ZFP41: variants seen among roughly 807,000 people sequenced by gnomAD.
ZFP41 encodes zinc finger protein 41 homolog.
A neutral mutation model predicts 11.6 loss-of-function variants in ZFP41; 10 were observed. The observed-to-expected ratio is 0.86, with a 90% CI of 0.53 to 1.47. The LOEUF (loss-of-function observed/expected upper bound fraction) is 1.47, where lower values mean the gene tolerates loss of function less well. ZFP41 is among the 40% of genes most tolerant of loss of function. The pLI is 0.00. For synonymous variants in ZFP41, 123 were observed against 100.9 expected (o/e 1.22, Z -1.31); for missense variants, 302 against 264.6 (o/e 1.14, Z -0.98).
chr8:143,248,396 C>T (rs541953732), intron 1 of ZFP41: 241 of 152,454 alleles, frequency 1.6e-3, no homozygotes, highest in African/African-American at 5.5e-3. Flanking sequence ...CAGTGCTGTA[C>T]AGCATGGAGG....
chr8:143,255,863 C>T (rs550015235), intron 2 of ZFP41, among the ~76,000 whole-genome samples: 256 of 119,918 alleles, frequency 2.1e-3, no homozygotes, highest in Non-Finnish European at 3.2e-3. Context: ...GATCAGGGCT[C>T]GCCCCGCGTG....
chr8:143,247,910 C>T (rs1003869674), intron 1 of ZFP41, among the ~76,000 whole-genome samples: 6 of 152,056 alleles, frequency 3.9e-5, no homozygotes, highest in East Asian at 1.9e-4. Flanking sequence ...ACTTCTATCT[C>T]CTGGGTTCAG....
At chr8:143,252,757 GTGGTC>G in intron 2 of ZFP41, 2 of 473,540 alleles carry the variant, frequency 4.2e-6, no homozygotes, top group Non-Finnish European at 5.5e-6. Context: ...CCCCGGGGCT[GTGGTC>G]AGCCCACTGC....
chr8:143,255,465 G>A (rs896140194), intron 2 of ZFP41, among the ~76,000 whole-genome samples: 8 of 150,310 alleles, frequency 5.3e-5, no homozygotes, highest in East Asian at 2.0e-4. Context: ...CTCACCCCGC[G>A]TCTAGTGTTA....
At position 143,261,675 on chromosome 8, in the gene ZFP41, G is replaced by C. The variant is rs1048437797; in HGVS notation, c.*2801G>C. 2.5e-5 allele frequency: 4 copies of C among 159,552 alleles called. No homozygotes were observed. Among genetic ancestry groups the C allele is most frequent in the East Asian group, 1.9e-4 (1 of 5,222 alleles). The allele number at this position is 159,552 out of a possible 1,614,324, so 9.9% of individuals were successfully genotyped here. On this transcript the variant is annotated 3_prime_UTR_variant, in exon 3 of 3. Transcript: ENST00000330701. ...AGACCGGGCCTAACGCTGCTGTCTC[G>C]CAGTCACCCCTGCAGGCCGCTCAGG...
rs754975290 is a variant in ZFP41, at chr8:143,250,362, C to T, written c.519C>T (p.Cys173=). ...ACACCGGGGAGAAGCCCTACGAATG[C>T]ACGCACTGTGGGAAAGCCTTTGCCT... is the stretch of plus-strand genomic sequence containing the variant. ...KTHTGEKPYE[C]THCGKAFAYS... is the part of the protein sequence containing the mutation. Residue 173 remains cysteine (C), a synonymous_variant, in exon 2 of 3, where the codon TGC becomes TGT. Coordinates refer to ENST00000330701, the MANE Select transcript of ZFP41 (RefSeq NM_173832.6). The T allele has an allele frequency of 3.1e-6, 5 of 1,613,892 alleles. No individual in the cohort carries two copies. Among genetic ancestry groups the T allele is most frequent in the Non-Finnish European group, 4.2e-6 (5 of 1,180,046 alleles).
chr8:143,253,879 C>T (rs1394703315), intron 2 of ZFP41, among the ~76,000 whole-genome samples: 1 of 152,132 alleles, frequency 6.6e-6, no homozygotes, highest in Non-Finnish European at 1.5e-5. Flanking sequence ...CAGTTTTTTC[C>T]GTGGACAGGG....
Position 143,260,904 on chromosome 8 carries a change from G to A in ZFP41, c.*2030G>A, listed in dbSNP as rs1815023000. ...TGTTGTGACTTTGCTCTGCTGCAGG[G>A]ACCTGCCATGGAGTGTCCCTTGTGC... On this transcript the variant is annotated 3_prime_UTR_variant, in exon 3 of 3. Transcript: ENST00000330701. 1.3e-5 allele frequency: 2 copies of A among 159,440 alleles called. No individual in the cohort carries two copies. Among genetic ancestry groups the A allele is most frequent in the South Asian group, 3.2e-4 (2 of 6,348 alleles). 9.9% of individuals were successfully genotyped at this position (159,440 alleles called of 1,614,324 possible).
intron 2 of ZFP41, among the ~76,000 whole-genome samples, chr8:143,254,598 C>G (rs939631517): frequency 9.6e-5 from 14 of 146,464 alleles, no homozygotes; most frequent in African/African-American, 3.0e-4. Context: ...ATGATCGTTG[C>G]TTTTCCCCGT....
chr8:143,255,336 C>T (rs977070408), intron 2 of ZFP41, among the ~76,000 whole-genome samples: 3 of 152,248 alleles, frequency 2.0e-5, no homozygotes, highest in African/African-American at 2.4e-5. Context: ...AACCGTAATA[C>T]GTGACGTCGT....
rs1213339203 is a variant in ZFP41, at chr8:143,247,087, C to G, written c.-210C>G. On this transcript the variant is annotated 5_prime_UTR_variant, in exon 1 of 3. Transcript: ENST00000330701. ...GCCCTCCAGCAGTCCTGGTAGGGCC[C>G]GGGCGCGTCCGCGCTCTGCAGCGGG... is the stretch of plus-strand genomic sequence containing the variant. The G allele has an allele frequency of 6.6e-6, 1 of 152,416 alleles. No homozygotes were observed. The highest frequency in any genetic ancestry group is 1.5e-5 in the Non-Finnish European group (1 of 68,196). The allele number at this position is 152,416 out of a possible 1,614,324, so 9.4% of individuals were successfully genotyped here. A position where few individuals can be genotyped will look rare whatever the true frequency, so the allele number is the denominator to read the frequency against.
intron 1 of ZFP41, chr8:143,248,239 T>C (rs1379609719): frequency 6.6e-6 from 1 of 152,204 alleles, no homozygotes; most frequent in Non-Finnish European, 1.5e-5. Flanking sequence ...AGAGCCGTTA[T>C]GGAGAATGTT....
At chr8:143,255,187 G>A (rs1475197279) in intron 2 of ZFP41, among the ~76,000 whole-genome samples, 2 of 152,126 alleles carry the variant, frequency 1.3e-5, no homozygotes, top group Non-Finnish European at 2.9e-5. Context: ...CGCACGTAGT[G>A]GGTCAAGAGC....
intron 2 of ZFP41, among the ~76,000 whole-genome samples, chr8:143,258,691 C>T (rs138123009): frequency 5.9e-5 from 9 of 152,118 alleles, no homozygotes; most frequent in African/African-American, 1.9e-4. Flanking sequence ...GCCTGAACAA[C>T]GCAGCGAGAC....
Position 143,250,569 on chromosome 8 carries a change from C to G in ZFP41, c.*129C>G. 1 of 1,460,622 alleles carries G rather than the reference C, an allele frequency of 6.8e-7. No homozygotes were observed. The highest frequency in any genetic ancestry group is 9.1e-7 in the Non-Finnish European group (1 of 1,094,664). 90.5% of individuals were successfully genotyped at this position (1,460,622 alleles called of 1,614,324 possible). On this transcript the variant is annotated 3_prime_UTR_variant, in exon 2 of 3. Transcript: ENST00000330701. The stretch of plus-strand genomic sequence containing the variant: ...GCACTGTGTTCCGTGCCCTGGGGAC[C>G]CCCGGAAAAGCAGCCCAGTCAGATG...
chr8:143,258,606 A>G (rs959380306), intron 2 of ZFP41, among the ~76,000 whole-genome samples: 1 of 152,248 alleles, frequency 6.6e-6, no homozygotes, highest in African/African-American at 2.4e-5. Context: ...GAATATGTGC[A>G]GCATTCATAG....
chr8:143,248,696 T>G (rs996192071), intron 1 of ZFP41, among the ~76,000 whole-genome samples: 6 of 148,058 alleles, frequency 4.1e-5, no homozygotes, highest in Non-Finnish European at 7.5e-5. Flanking sequence ...GCCCACCCCC[T>G]GCCCACCCCA....
chr8:143,259,596 C>T (rs1814990664), intron 2 of ZFP41, among the ~76,000 whole-genome samples, 179 bp from the exon 3 acceptor site: 1 of 152,034 alleles, frequency 6.6e-6, no homozygotes, highest in Non-Finnish European at 1.5e-5. Context: ...CCACGCCCCC[C>T]ACTGATCTTG....
chr8:143,249,905 A>T lies in ZFP41; in HGVS notation c.62A>T (p.Gln21Leu). The T allele has an allele frequency of 6.2e-7, 1 of 1,613,572 alleles. No homozygotes were observed. The highest frequency in any genetic ancestry group is 8.5e-7 in the Non-Finnish European group (1 of 1,179,796). ...TPTPREEADV[Q>L]KSALREEKVS... ...ACCCCAAGGGAGGAGGCAGACGTGCAGAAGAGTGCGCTCAGAGAGGAGAAG... is the reference window on the plus strand; with the variant it reads ...ACCCCAAGGGAGGAGGCAGACGTGCTGAAGAGTGCGCTCAGAGAGGAGAAG... Residue 21 changes from glutamine (Q) to leucine (L), a missense_variant, in exon 2 of 3, where the codon CAG becomes CTG. By Grantham distance (113) the Gln-to-Leu change is moderately radical. Transcript: ENST00000330701.
Sources: allele counts gnomAD v4.1 joint callset (sites outside exome capture counted in the v4.1 genomes callset), GRCh38; gene constraint gnomAD v4.1.1; transcripts MANE v1.5; gene names NCBI Gene and HGNC (gene_info 2026-07-23, HGNC 2026-07-21).